The following FAM171A1 variants were observed in gnomAD, a reference collection of about 807,000 sequenced individuals.
FAM171A1 encodes the protein family with sequence similarity 171 member A1, also known as protein FAM171A1.
Under a neutral mutation model 74.9 loss-of-function variants are expected in FAM171A1, and 23 were observed. The ratio of observed to expected loss-of-function variants is 0.31; its 90% CI spans 0.22 to 0.44. The LOEUF (loss-of-function observed/expected upper bound fraction) is 0.44. FAM171A1 is among the 20% of genes least tolerant of loss of function. The probability of loss-of-function intolerance (pLI) is 1.00; values close to 1 mark genes in which losing one functional copy is unlikely to be tolerated. For missense variants in FAM171A1, 1,162 were observed against 1,159.2 expected (o/e 1.00, Z -0.03); for synonymous variants, 527 against 505.7 (o/e 1.04, Z -0.57).
In FAM171A1 at chr10:15,252,627, C is replaced by T. The variant is rs558520137; in HGVS notation, c.577+2094G>A. ...AGCCCAGGTTCCAAGTCCCCGAGGG[C>T]GCGTGTGAATTCACTATGGGTGGAT... On this transcript the variant is annotated intron_variant, in intron 4 of 7. Coordinates refer to ENST00000378116, the MANE Select transcript of FAM171A1 (RefSeq NM_001010924.2). Among the ~76,000 whole-genome samples the T allele has an allele frequency of 2.0e-4, 31 of 152,266 alleles. No homozygotes were observed. The South Asian group carries it at 3.3e-3, about 16-fold the overall frequency.
chr10:15,213,221 C>A lies in FAM171A1; in HGVS notation c.2367G>T (p.Val789=). The A allele has an allele frequency of 6.2e-7, 1 of 1,614,134 alleles. No individual in the cohort carries two copies. Among genetic ancestry groups the A allele is most frequent in the Non-Finnish European group, 8.5e-7 (1 of 1,180,038 alleles). The change falls in exon 8 of 8, where the codon GTG becomes GTT. Residue 789 remains valine (V), a synonymous_variant. Transcript: ENST00000378116. The surrounding 1 kb of genome is among the most constrained non-coding windows in gnomAD (Gnocchi z 6.8). ...APDSTAYTQL[V]YLDDVEQSGS... ...CACTCTGTTCCACGTCATCCAGGTA[C>A]ACGAGCTGCGTGTAGGCCGTGCTGT...
chr10:15,354,473 G>A (rs1835911744), intron 1 of FAM171A1, among the ~76,000 whole-genome samples: 1 of 151,920 alleles, frequency 6.6e-6, no homozygotes, highest in Admixed American at 6.6e-5. Context: ...TCCAGCCTGG[G>A]TGACAGAGCG....
chr10:15,270,094 G>A (rs990024859), intron 3 of FAM171A1, among the ~76,000 whole-genome samples: 1 of 152,190 alleles, frequency 6.6e-6, no homozygotes, highest in South Asian at 2.1e-4. Flanking sequence ...CCTCACCTAG[G>A]AAGCGCAACG....
chr10:15,333,928 C>T (rs983324852), intron 1 of FAM171A1, among the ~76,000 whole-genome samples: 2 of 152,098 alleles, frequency 1.3e-5, no homozygotes, highest in African/African-American at 2.4e-5. Flanking sequence ...CTTTTGGGGT[C>T]GTTTCAGAGC....
rs1836027973 is a variant in FAM171A1 at position 15,363,961 on chromosome 10, A to G, written c.97+6995T>C. Among the ~76,000 whole-genome samples, 2 of 133,062 alleles carry G rather than the reference A, an allele frequency of 1.5e-5. 1 individual carries two copies. Among genetic ancestry groups the G allele is most frequent in the Admixed American group, 1.7e-4 (2 of 11,812 alleles). The allele number at this position is 133,062 out of a possible 152,430, so 87.3% of individuals were successfully genotyped here. On this transcript the variant is annotated intron_variant, in intron 1 of 7. Transcript: ENST00000378116. ...CTGGGCCCTGGAGCTGGTGGGGTGC[A>G]TTTGCCTGAGAGAGGCAGAGAAATC...
At chr10:15,233,212 G>A (rs1357521567) in intron 5 of FAM171A1, among the ~76,000 whole-genome samples, 1 of 152,040 alleles carries the variant, frequency 6.6e-6, no homozygotes, top group African/African-American at 2.4e-5. Flanking sequence ...GGAAAATGGT[G>A]TGAACCCGGG....
chr10:15,367,507 T>G (rs1164180101), intron 1 of FAM171A1, among the ~76,000 whole-genome samples: 1 of 152,188 alleles, frequency 6.6e-6, no homozygotes, highest in Non-Finnish European at 1.5e-5. Flanking sequence ...TTTCCCAGGA[T>G]GTGAGCCCAT....
chr10:15,332,850 C>T (rs187708611), intron 1 of FAM171A1, among the ~76,000 whole-genome samples: 2 of 152,130 alleles, frequency 1.3e-5, no homozygotes, highest in African/African-American at 4.8e-5. Flanking sequence ...AGGAAGAGCT[C>T]GGAATCCCTG....
chr10:15,217,961 T>C (rs142213798), intron 6 of FAM171A1, among the ~76,000 whole-genome samples: 8 of 152,184 alleles, frequency 5.3e-5, no homozygotes, highest in South Asian at 2.1e-4. Flanking sequence ...GCAAAGACAA[T>C]AGACAATTCC....
intron 1 of FAM171A1, among the ~76,000 whole-genome samples, chr10:15,361,274 G>A (rs1291231948): frequency 6.6e-6 from 1 of 152,142 alleles, no homozygotes; most frequent in Non-Finnish European, 1.5e-5. Context: ...AGAGATTTAA[G>A]CCATAATTGT....
intron 4 of FAM171A1, among the ~76,000 whole-genome samples, chr10:15,249,519 A>T (rs1046695298): frequency 6.6e-6 from 1 of 152,248 alleles, no homozygotes; most frequent in African/African-American, 2.4e-5. Flanking sequence ...TTTTACACAA[A>T]GTGAGCCCCA....
At chr10:15,240,099 C>T (rs1342641341) in intron 5 of FAM171A1, among the ~76,000 whole-genome samples, 1 of 152,244 alleles carries the variant, frequency 6.6e-6, no homozygotes, top group Non-Finnish European at 1.5e-5. Flanking sequence ...TAGCTCATGC[C>T]TGTAATCCCA....
At position 15,351,730 on chromosome 10, in the gene FAM171A1, A is replaced by G. The variant is rs550843869; in HGVS notation, c.97+19226T>C. Among the ~76,000 whole-genome samples the G allele has an allele frequency of 1.0e-3, 153 of 152,278 alleles. 2 individuals carry two copies. In the Middle Eastern group the frequency reaches 0.014, roughly 14 times the overall value. On this transcript the variant is annotated intron_variant, in intron 1 of 7. Coordinates refer to ENST00000378116, the MANE Select transcript of FAM171A1 (RefSeq NM_001010924.2). ...ATGGATGGAGAGTGGCTCATCAGCCACAAAACAGCTATGTTCCCACAAAAA... is the reference window on the plus strand; with the variant it reads ...ATGGATGGAGAGTGGCTCATCAGCCGCAAAACAGCTATGTTCCCACAAAAA...
At chr10:15,271,276 A>G (rs1254393573) in intron 3 of FAM171A1, among the ~76,000 whole-genome samples, 1 of 152,222 alleles carries the variant, frequency 6.6e-6, no homozygotes, top group Non-Finnish European at 1.5e-5. Context: ...AGTAGAAGAA[A>G]GGGTATCAGC....
chr10:15,290,152 C>T (rs567629539), intron 1 of FAM171A1, among the ~76,000 whole-genome samples: 31 of 152,076 alleles, frequency 2.0e-4, no homozygotes, highest in Admixed American at 2.0e-3. Context: ...TGCTTGAACC[C>T]AGGAGGCAGA....
intron 1 of FAM171A1, among the ~76,000 whole-genome samples, chr10:15,350,755 G>A (rs1038364697): frequency 6.6e-6 from 1 of 151,738 alleles, no homozygotes; most frequent in Non-Finnish European, 1.5e-5. Context: ...CGATACTCCT[G>A]CCTCAGCCTC....
intron 1 of FAM171A1, among the ~76,000 whole-genome samples, chr10:15,328,706 G>A (rs1337256391): frequency 6.6e-6 from 1 of 151,934 alleles, no homozygotes; most frequent in Non-Finnish European, 1.5e-5. Flanking sequence ...CTATTTTTGG[G>A]TCCAATTGTC....
intron 1 of FAM171A1, among the ~76,000 whole-genome samples, chr10:15,351,854 AC>A: frequency 6.6e-6 from 1 of 152,070 alleles, no homozygotes; most frequent in East Asian, 1.9e-4. Flanking sequence ...GGAGTTCAAG[AC>A]CAGCCTGAAC....
chr10:15,240,613 C>T (rs770804620), intron 5 of FAM171A1, among the ~76,000 whole-genome samples: 10 of 152,110 alleles, frequency 6.6e-5, no homozygotes, highest in Non-Finnish European at 1.3e-4. Flanking sequence ...AAAATTGATC[C>T]CACTCTCACG....
Sources: gnomAD v4.1 joint callset for allele counts (sites outside exome capture counted in the v4.1 genomes callset) on GRCh38, gnomAD v4.1.1 for gene constraint, Gnocchi (gnomAD v3.1) non-coding constraint, MANE v1.5 for transcripts, NCBI Gene and HGNC (gene_info 2026-07-23, HGNC 2026-07-21) for gene names.